SUFU: variants seen among roughly 807,000 people sequenced by gnomAD.
The protein encoded by SUFU is suppressor of fused homolog.
Under a neutral mutation model 58.9 loss-of-function variants are expected in SUFU, and 7 were observed. That is an observed-to-expected ratio of 0.12 (90% confidence interval 0.07 to 0.22). SUFU has a LOEUF of 0.22. Ranked by LOEUF, SUFU falls within the 10% of genes least tolerant of loss-of-function variation. The pLI, the probability that SUFU is intolerant of heterozygous loss-of-function variation, is 1.00. For missense variants in SUFU, 451 were observed against 641.3 expected (o/e 0.70, Z 3.20); for synonymous variants, 232 against 254.8 (o/e 0.91, Z 0.85).
intron 1 of SUFU, among the ~76,000 whole-genome samples, chr10:102,505,853 G>A (rs2062318851): frequency 6.6e-6 from 1 of 152,076 alleles, no homozygotes; most frequent in Non-Finnish European, 1.5e-5. Context: ...CATTCTCATT[G>A]TGCCTTTATA....
intron 3 of SUFU, among the ~76,000 whole-genome samples, chr10:102,578,847 G>T (rs1224401822): frequency 6.6e-6 from 1 of 151,490 alleles, no homozygotes; most frequent in African/African-American, 2.4e-5. Flanking sequence ...CTCCAGTTTG[G>T]GCAACAGAGT....
At chr10:102,535,995 C>G (rs2135709459) in intron 2 of SUFU, among the ~76,000 whole-genome samples, 1 of 152,152 alleles carries the variant, frequency 6.6e-6, no homozygotes, top group East Asian at 1.9e-4. Context: ...AAGACAGAGT[C>G]TTGCTCTGTC....
rs545772847 is a variant in SUFU at position 102,619,028 on chromosome 10, A to C, written c.1296+1600A>C. On this transcript the variant is annotated intron_variant, in intron 10 of 11. Transcript: ENST00000369902. This position sits in a 1 kb window ranked among gnomAD's most constrained non-coding sequence, Gnocchi z 4.2. ...GACAGTCGGGACTGGGGCCTCCCCA[A>C]ACTGCAGAATCTACCCAGTTATGTT... The C allele has an allele frequency of 3.1e-6, 5 of 1,608,768 alleles. No individual in the cohort carries two copies. In the East Asian group the frequency reaches 1.1e-4, roughly 36 times the overall value.
intron 10 of SUFU, among the ~76,000 whole-genome samples, chr10:102,620,608 G>A (rs2063731726): frequency 6.6e-6 from 1 of 152,212 alleles, no homozygotes; most frequent in Non-Finnish European, 1.5e-5. Context: ...GCCATTTGCT[G>A]TTTTCATCCT....
intron 8 of SUFU, among the ~76,000 whole-genome samples, chr10:102,608,195 G>A (rs2063581898): frequency 6.6e-6 from 1 of 151,780 alleles, no homozygotes; most frequent in South Asian, 2.1e-4. Flanking sequence ...TTGCACTCCA[G>A]CCTGGGCAAC....
At chr10:102,511,019 G>C (rs2062394610) in intron 2 of SUFU, among the ~76,000 whole-genome samples, 1 of 151,540 alleles carries the variant, frequency 6.6e-6, no homozygotes, top group Non-Finnish European at 1.5e-5. Flanking sequence ...TACTAGGGAG[G>C]CTGAGGCAGG....
chr10:102,550,149 G>C, intron 3 of SUFU, 43 bp downstream of exon 3: 1 of 1,613,528 alleles, frequency 6.2e-7, no homozygotes. Context: ...CTTTTGCCAT[G>C]AGCCTGGTTG....
intron 10 of SUFU, among the ~76,000 whole-genome samples, chr10:102,623,506 C>A (rs997143305): frequency 6.6e-6 from 1 of 152,186 alleles, no homozygotes; most frequent in Non-Finnish European, 1.5e-5. Context: ...TTGGTAAAAA[C>A]CAAAGCTACC....
intron 2 of SUFU, among the ~76,000 whole-genome samples, chr10:102,519,599 A>G (rs1564662178): frequency 6.6e-6 from 1 of 151,858 alleles, no homozygotes; most frequent in Non-Finnish European, 1.5e-5. Context: ...AAAGTCTGCA[A>G]CTTTTAAAAA....
At position 102,573,288 on chromosome 10, in the gene SUFU, A is replaced by G. The variant is rs186714251; in HGVS notation, c.455-19294A>G. On this transcript the variant is annotated intron_variant, in intron 3 of 11. Coordinates refer to ENST00000369902, the MANE Select transcript of SUFU (RefSeq NM_016169.4). Reference sequence around the variant, plus strand: ...CATCTACTTTGGCCTCACAGCCGTTAGAATGGCTACTATCAAAAAAAGAAA... The same window carrying G: ...CATCTACTTTGGCCTCACAGCCGTTGGAATGGCTACTATCAAAAAAAGAAA... 6.8e-5 allele frequency: 42 copies of G among 613,394 alleles called. No individual in the cohort carries two copies. In the African/African-American group the frequency reaches 6.9e-4, roughly 10 times the overall value. 38.0% of individuals were successfully genotyped at this position (613,394 alleles called of 1,614,324 possible).
intron 3 of SUFU, among the ~76,000 whole-genome samples, chr10:102,568,952 A>G (rs1389668937): frequency 9.7e-5 from 10 of 102,640 alleles, no homozygotes; most frequent in Admixed American, 3.8e-4. Flanking sequence ...ATATATATAT[A>G]TATATATATA....
In SUFU at chr10:102,619,579, G is replaced by A. The variant is rs1316384195; in HGVS notation, c.1296+2151G>A. 8.8e-6 allele frequency: 8 copies of A among 906,402 alleles called. No individual in the cohort carries two copies. Among genetic ancestry groups the A allele is most frequent in the African/African-American group, 1.8e-5 (1 of 56,884 alleles). 56.1% of individuals were successfully genotyped at this position (906,402 alleles called of 1,614,324 possible). On this transcript the variant is annotated intron_variant, in intron 10 of 11. Transcript: ENST00000369902. The surrounding 1 kb of genome is among the most constrained non-coding windows in gnomAD (Gnocchi z 4.2). ...CCCCAAGCACCCACCCTTGATCACC[G>A]AGGGGTTTCTCAGGCCCTTTCCAAG... is the stretch of plus-strand genomic sequence containing the variant.
At chr10:102,558,542 G>C (rs1348969503) in intron 3 of SUFU, among the ~76,000 whole-genome samples, 1 of 152,210 alleles carries the variant, frequency 6.6e-6, no homozygotes, top group African/African-American at 2.4e-5. Flanking sequence ...TTCTACATCA[G>C]TTCTGGGGTA....
In SUFU at chr10:102,633,112, C is replaced by T. The variant is rs887053705; in HGVS notation, c.*2957C>T. 4.3e-6 allele frequency: 1 copy of T among 233,314 alleles called. No individual in the cohort carries two copies. The highest frequency in any genetic ancestry group is 2.2e-5 in the African/African-American group (1 of 45,354). The allele number at this position is 233,314 out of a possible 1,614,324, so 14.5% of individuals were successfully genotyped here. On this transcript the variant is annotated 3_prime_UTR_variant, in exon 12 of 12. Coordinates refer to ENST00000369902, the MANE Select transcript of SUFU (RefSeq NM_016169.4). ...GGAGAAAACCTGAAGGTCGGTGCCC[C>T]TATGGGGCTGACCAGTAGAGAATTT...
chr10:102,613,329 C>G (rs983410855), intron 8 of SUFU, among the ~76,000 whole-genome samples: 1 of 152,258 alleles, frequency 6.6e-6, no homozygotes, highest in African/African-American at 2.4e-5. Context: ...AGGAAGGGAC[C>G]GCTTTGTGAA....
At position 102,631,861 on chromosome 10, in the gene SUFU, T is replaced by C. The variant is rs2063840372; in HGVS notation, c.*1706T>C. On this transcript the variant is annotated 3_prime_UTR_variant, in exon 12 of 12. Transcript: ENST00000369902. ...TCAGCCTGGAGTATTTGGGAGAGAC[T>C]GGCTGCAGATCCCCGCCAGCCAAGA... 4 of 233,242 alleles carry C rather than the reference T, an allele frequency of 1.7e-5. No individual in the cohort carries two copies. Among genetic ancestry groups the C allele is most frequent in the Non-Finnish European group, 3.4e-5 (4 of 118,124 alleles). 14.4% of individuals were successfully genotyped at this position (233,242 alleles called of 1,614,324 possible).
chr10:102,516,983 TGTG>T (rs948628949), intron 2 of SUFU, among the ~76,000 whole-genome samples: 1 of 150,424 alleles, frequency 6.6e-6, no homozygotes, highest in Non-Finnish European at 1.5e-5. Flanking sequence ...ATTAGCCGGG[TGTG>T]GTGGTGGGCA....
chr10:102,509,085 T>C (rs1471556820), intron 1 of SUFU, 84 bp from the exon 2 acceptor site: 22 of 1,598,026 alleles, frequency 1.4e-5, no homozygotes, highest in Non-Finnish European at 1.8e-5. Flanking sequence ...ATGGGTCCTT[T>C]AGGTTTACAA....
intron 3 of SUFU, among the ~76,000 whole-genome samples, chr10:102,588,166 G>GTA (rs1003048736): frequency 2.0e-5 from 3 of 152,170 alleles, no homozygotes; most frequent in African/African-American, 7.2e-5. Context: ...GGAGGCCGAG[G>GTA]CACGCGGATC....
Sources: allele counts gnomAD v4.1 joint callset (sites outside exome capture counted in the v4.1 genomes callset), GRCh38; gene constraint gnomAD v4.1.1; non-coding constraint Gnocchi (gnomAD v3.1); transcripts MANE v1.5; gene names NCBI Gene and HGNC (gene_info 2026-07-23, HGNC 2026-07-21).